ME3: variants seen among roughly 807,000 people sequenced by gnomAD.
ME3 encodes the protein malic enzyme 3, also known as NADP-dependent malic enzyme, mitochondrial.
In ME3, 48 loss-of-function variants were observed where a neutral mutation model predicts 68.9. That is an observed-to-expected ratio of 0.70 (90% CI 0.55 to 0.89). The LOEUF is 0.89. Among genes scored for constraint, ME3 ranks in the 40% least tolerant of loss-of-function variants. The pLI is 0.00. For missense variants in ME3, 675 were observed against 797.4 expected (o/e 0.85, Z 1.85); for synonymous variants, 320 against 318.8 (o/e 1.00, Z -0.04).
intron 4 of ME3, among the ~76,000 whole-genome samples, chr11:86,525,986 G>A (rs958145460): frequency 6.6e-6 from 1 of 152,154 alleles, no homozygotes; most frequent in Admixed American, 6.5e-5. Flanking sequence ...CTGAGGTACC[G>A]AGTTCATCTC....
At chr11:86,527,297 A>T (rs1358746727) in intron 4 of ME3, among the ~76,000 whole-genome samples, 1 of 152,112 alleles carries the variant, frequency 6.6e-6, no homozygotes, top group East Asian at 1.9e-4. Context: ...AAATGAAGTG[A>T]GAAGAGAAGT....
intron 2 of ME3, among the ~76,000 whole-genome samples, chr11:86,649,525 T>C (rs1429799104): frequency 2.0e-5 from 3 of 152,224 alleles, no homozygotes; most frequent in Non-Finnish European, 4.4e-5. Flanking sequence ...AGTCGGATTG[T>C]CTCTGTTTGC....
chr11:86,481,304 T>G (rs1951394152), intron 7 of ME3, among the ~76,000 whole-genome samples: 1 of 150,040 alleles, frequency 6.7e-6, no homozygotes, highest in South Asian at 2.1e-4. Context: ...CCTCCTACCT[T>G]GGCCTCCGAA....
intron 7 of ME3, among the ~76,000 whole-genome samples, chr11:86,482,303 G>C (rs1485880088): frequency 6.6e-6 from 1 of 152,142 alleles, no homozygotes; most frequent in Non-Finnish European, 1.5e-5. Context: ...GTAGCTCTCT[G>C]AGAGGAGGAC....
At chr11:86,525,736 A>G (rs531908) in intron 4 of ME3, among the ~76,000 whole-genome samples, 50,945 of 151,698 alleles carry the variant, frequency 0.34, 8,899 homozygotes, top group African/African-American at 0.44. Context: ...TGGCAGGTGC[A>G]TATAATCTCA....
rs372305020 is a variant in ME3 at position 86,671,821 on chromosome 11, G to T, written c.124C>A (p.Arg42Ser). The T allele has an allele frequency of 2.7e-5, 44 of 1,601,268 alleles. No homozygotes were observed. The African/African-American group carries it at 4.1e-4, about 15-fold the overall frequency. The change falls in exon 2 of 15, where the codon CGC (arginine) becomes AGC (serine). Residue 42 changes from arginine to serine, a missense_variant. Physicochemically the swap from Arg to Ser is moderately radical, Grantham distance 110 (BLOSUM62 -1). Transcript: ENST00000543262. ...CCGCGCTTCTTCAGGGGCACAGGGC[G>T]CGCCGGGCCAGGCTTGGAGTGGCAG...
chr11:86,597,864 CA>C (rs1194878379), intron 2 of ME3, among the ~76,000 whole-genome samples: 14 of 151,972 alleles, frequency 9.2e-5, no homozygotes, highest in Admixed American at 9.2e-4. Context: ...TTAAGGTTAT[CA>C]TATCTTAAAT....
At position 86,524,528 on chromosome 11, in the gene ME3, G is replaced by A. The variant is rs189970920; in HGVS notation, c.468-15661C>T. On this transcript the variant is annotated intron_variant, in intron 4 of 14. Transcript: ENST00000543262. ...CCTAAACCAAGAAAAAGCTGAAATT[G>A]TAAAAGCTCGAATCCATTTTATGCT... is the stretch of plus-strand genomic sequence containing the variant. 1.7e-3 allele frequency among the ~76,000 whole-genome samples: 260 copies of A among 152,284 alleles called. 1 individual carries two copies. Among genetic ancestry groups the A allele is most frequent in the Admixed American group, 3.3e-3 (50 of 15,302 alleles).
chr11:86,555,201 G>A (rs934383570), intron 4 of ME3, among the ~76,000 whole-genome samples: 1 of 152,166 alleles, frequency 6.6e-6, no homozygotes, highest in Non-Finnish European at 1.5e-5. Context: ...TTTTGGAGCT[G>A]GGCTGTGACA....
At chr11:86,599,974 G>T (rs1221139249) in intron 2 of ME3, among the ~76,000 whole-genome samples, 1 of 152,156 alleles carries the variant, frequency 6.6e-6, no homozygotes, top group Non-Finnish European at 1.5e-5. Context: ...GGCACAACTG[G>T]TACCAGCCAC....
intron 4 of ME3, among the ~76,000 whole-genome samples, chr11:86,513,245 GTTC>G (rs1429889907): frequency 6.6e-6 from 1 of 152,170 alleles, no homozygotes; most frequent in African/African-American, 2.4e-5. Context: ...AAATTTCAAA[GTTC>G]TTTTTTCTTT....
chr11:86,480,835 G>A (rs539026149), intron 7 of ME3, among the ~76,000 whole-genome samples: 1 of 152,196 alleles, frequency 6.6e-6, no homozygotes, highest in South Asian at 2.1e-4. Flanking sequence ...AGCTGTAGGT[G>A]TATTGCAAGG....
intron 7 of ME3, among the ~76,000 whole-genome samples, chr11:86,473,098 A>G (rs1213639544): frequency 6.6e-6 from 1 of 152,212 alleles, no homozygotes; most frequent in African/African-American, 2.4e-5. Flanking sequence ...CAGAGCAGGG[A>G]GCAGGGCAAG....
At chr11:86,620,351 T>C (rs765919076) in intron 2 of ME3, among the ~76,000 whole-genome samples, 1 of 152,220 alleles carries the variant, frequency 6.6e-6, no homozygotes, top group Non-Finnish European at 1.5e-5. Flanking sequence ...ATCTTTTAAT[T>C]TTCCCAGCTT....
downstream of ME3, chr11:86,437,189 C>G (rs984546740): frequency 2.0e-5 from 3 of 152,146 alleles, no homozygotes; most frequent in Non-Finnish European, 2.9e-5. Context: ...TGAATTATTT[C>G]ACTTAAGGGC....
At chr11:86,577,972 AT>A (rs1416439197) in intron 2 of ME3, among the ~76,000 whole-genome samples, 1 of 152,198 alleles carries the variant, frequency 6.6e-6, no homozygotes, top group Non-Finnish European at 1.5e-5. Flanking sequence ...CTATTGAAAG[AT>A]TAGTTTTTGC....
intron 2 of ME3, among the ~76,000 whole-genome samples, chr11:86,641,364 G>A (rs1029783804): frequency 2.6e-5 from 4 of 152,162 alleles, no homozygotes; most frequent in African/African-American, 7.2e-5. Context: ...TGGGTTGATG[G>A]GAACTGCACT....
intron 2 of ME3, among the ~76,000 whole-genome samples, chr11:86,617,463 T>C (rs527722293): frequency 5.9e-5 from 9 of 152,268 alleles, no homozygotes; most frequent in African/African-American, 2.2e-4. Context: ...TTTGGGGTCA[T>C]TGCTATTGTT....
In ME3 at chr11:86,494,052, G is replaced by GAAA. The variant is rs57702708; in HGVS notation, c.705+3908_705+3910dup. Among the ~76,000 whole-genome samples the GAAA allele has an allele frequency of 4.1e-3, 609 of 148,860 alleles. 10 individuals are homozygous for GAAA. In the East Asian group the frequency reaches 0.071, roughly 17 times the overall value. On this transcript the variant is annotated intron_variant, in intron 6 of 14. Transcript: ENST00000543262. ...GGAATATCTTGCAAACGGTTTCATTGAAAAAAAAAAAAGGAACTGTAGTTG... is the reference window on the plus strand; with the variant it reads ...GGAATATCTTGCAAACGGTTTCATTGAAAAAAAAAAAAAAAGGAACTGTAGTTG...
Sources: gnomAD v4.1 joint callset for allele counts (sites outside exome capture counted in the v4.1 genomes callset) on GRCh38, gnomAD v4.1.1 for gene constraint, MANE v1.5 for transcripts, NCBI Gene and HGNC (gene_info 2026-07-23, HGNC 2026-07-21) for gene names.